The following PSMD2 variants were observed in gnomAD, a reference collection of about 807,000 sequenced individuals.
The protein encoded by PSMD2 is 26S proteasome non-ATPase regulatory subunit 2.
A neutral mutation model predicts 101.5 loss-of-function variants in PSMD2; 8 were observed. That is an observed-to-expected ratio of 0.08 (90% CI 0.05 to 0.14). PSMD2 has a LOEUF of 0.14. Ranked by LOEUF, PSMD2 falls within the 10% of genes least tolerant of loss-of-function variation. PSMD2 has a pLI of 1.00. For synonymous variants in PSMD2, 418 were observed against 433.8 expected, an observed-to-expected ratio of 0.96 and a Z score of 0.45; for missense variants, 784 against 1,147.4, an observed-to-expected ratio of 0.68 and a Z score of 4.58.
chr3:184,303,813 C>T, intron 10 of PSMD2, 64 bp downstream of exon 10: 1 of 1,600,622 alleles, frequency 6.2e-7, no homozygotes, highest in Non-Finnish European at 8.6e-7. Flanking sequence ...CCTAGCAGTG[C>T]CTCTCTTTCA....
At chr3:184,300,526 C>T (rs1170379181) in intron 3 of PSMD2, 82 bp downstream of exon 3, 2 of 1,530,846 alleles carry the variant, frequency 1.3e-6, no homozygotes, top group Admixed American at 4.2e-5. Flanking sequence ...TTGTGAGTCA[C>T]AGGAAGCCTG....
chr3:184,303,316 G>A lies in PSMD2; in HGVS notation c.1070-4G>A, dbSNP rs1223554126. The A allele has an allele frequency of 6.2e-7, 1 of 1,609,576 alleles. No individual in the cohort carries two copies. Among genetic ancestry groups the A allele is most frequent in the South Asian group, 1.1e-5 (1 of 90,424 alleles). On this transcript the variant is annotated splice_polypyrimidine_tract_variant and splice_region_variant and intron_variant, in intron 8 of 20. Transcript: ENST00000310118. ...CCTTACTTTTCCTCTCCCTCCTGTT[G>A]CAGGGTTTGGGGGCAGTGGCTCTCA...
rs1349292505 is a variant in PSMD2 at position 184,305,820 on chromosome 3, A to G, written c.1592A>G (p.Asn531Ser). ...ACGMIAVGSC[N>S]GDVTSTILQT... ...GGAATGATAGCAGTAGGGTCCTGCA[A>G]TGGAGATGTAACTTCCACTATCCTT... The change falls in exon 13 of 21, where the codon AAT becomes AGT. Residue 531 changes from asparagine to serine, a missense_variant. By Grantham distance (46) the Asn-to-Ser change is conservative. This residue lies in a region of PSMD2 where 282 missense variants were observed against 437.6 expected (regional missense o/e 0.64). Transcript: ENST00000310118. The G allele has an allele frequency of 4.3e-6, 7 of 1,614,102 alleles. No individual in the cohort carries two copies. Among genetic ancestry groups the G allele is most frequent in the East Asian group, 2.2e-5 (1 of 44,902 alleles).
At chr3:184,300,020 T>C (rs1015736486) in intron 2 of PSMD2, 113 bp downstream of exon 2, 82 of 1,045,440 alleles carry the variant, frequency 7.8e-5, no homozygotes, top group East Asian at 2.4e-5. Context: ...GTCAGTGTTA[T>C]GATGATGTTG....
chr3:184,308,798 C>G lies in PSMD2; in HGVS notation c.2635C>G (p.Arg879Gly). The change falls in exon 21 of 21, where the codon CGG becomes GGG. Residue 879 changes from arginine to glycine, a missense_variant. Coordinates refer to ENST00000310118, the MANE Select transcript of PSMD2 (RefSeq NM_002808.5). This position sits in a 1 kb window ranked among gnomAD's most constrained non-coding sequence, Gnocchi z 6.0. ...TTPVLLAHGE[R>G]AELATEEFLP... Reference sequence around the variant, plus strand: ...CCCAGTGTTGTTGGCCCACGGGGAACGGGCAGAATTGGCCACTGAGGAGTT... The same window carrying G: ...CCCAGTGTTGTTGGCCCACGGGGAAGGGGCAGAATTGGCCACTGAGGAGTT... 1 of 1,613,858 alleles carries G rather than the reference C, an allele frequency of 6.2e-7. No individual in the cohort carries two copies. Among genetic ancestry groups the G allele is most frequent in the Non-Finnish European group, 8.5e-7 (1 of 1,179,992 alleles).
In PSMD2 at chr3:184,299,289, A is replaced by G. The variant is rs1288082425; in HGVS notation, c.23A>G (p.Lys8Arg). MEEGGRDKAPVQPQQSPA... is the reference protein window; with the variant it reads MEEGGRDRAPVQPQQSPA... Reference sequence around the variant, plus strand: ...GAGATGGAGGAGGGAGGCCGGGACAAGGCGCCGGTGCAGCCCCAGCAGTCT... The same window carrying G: ...GAGATGGAGGAGGGAGGCCGGGACAGGGCGCCGGTGCAGCCCCAGCAGTCT... Residue 8 changes from lysine to arginine, a missense_variant, in exon 1 of 21, where the codon AAG (lysine) becomes AGG (arginine). By Grantham distance (26) the Lys-to-Arg change is conservative. This residue lies in a region of PSMD2 where 196 missense variants were observed against 182.4 expected (regional missense o/e 1.07). Coordinates refer to ENST00000310118, the MANE Select transcript of PSMD2 (RefSeq NM_002808.5). 4 of 1,365,938 alleles carry G rather than the reference A, an allele frequency of 2.9e-6. No individual in the cohort carries two copies. Among genetic ancestry groups the G allele is most frequent in the South Asian group, 1.6e-5 (1 of 61,520 alleles). 84.6% of individuals were successfully genotyped at this position (1,365,938 alleles called of 1,614,324 possible).
rs1721928999 is a variant in PSMD2 at position 184,308,678 on chromosome 3, A to G, written c.2545-30A>G. The G allele has an allele frequency of 8.1e-6, 13 of 1,599,978 alleles. No individual in the cohort carries two copies. The highest frequency in any genetic ancestry group is 1.1e-5 in the Non-Finnish European group (13 of 1,169,058). On this transcript the variant is annotated intron_variant, in intron 20 of 20. Transcript: ENST00000310118. This position sits in a 1 kb window ranked among gnomAD's most constrained non-coding sequence, Gnocchi z 6.0. ...GGCGGTGGCTTGTCGCTACTTTTCC[A>G]TCTCTCTTTTCAATTTTCTTACCCT... is the stretch of plus-strand genomic sequence containing the variant.
intron 3 of PSMD2, chr3:184,300,651 A>G (rs1264192992): frequency 7.4e-7 from 1 of 1,353,182 alleles, no homozygotes. Context: ...TGTGTATTGG[A>G]CTTTGGGGTT....
Position 184,307,450 on chromosome 3 carries a change from C to T in PSMD2, c.2128C>T (p.Leu710=), listed in dbSNP as rs538125981. Residue 710 remains leucine, a synonymous_variant, in exon 17 of 21, where the codon CTA becomes TTA. Transcript: ENST00000310118. The part of the protein sequence containing the change: ...SNPRLNILDT[L]SKFSHDADPE... The stretch of plus-strand genomic sequence containing the variant: ...TCCACGACTCAACATCCTGGATACC[C>T]TAAGCAAATTCTCTCATGATGCTGA... 5.0e-6 allele frequency: 8 copies of T among 1,614,210 alleles called. No homozygotes were observed. The highest frequency in any genetic ancestry group is 2.7e-5 in the African/African-American group (2 of 75,046).
intron 12 of PSMD2, among the ~76,000 whole-genome samples, chr3:184,305,070 TAC>T (rs929274019): frequency 1.3e-5 from 2 of 152,150 alleles, no homozygotes; most frequent in Non-Finnish European, 2.9e-5. Context: ...AATGGATAAA[TAC>T]AGCATGGTGG....
chr3:184,301,584 G>A lies in PSMD2; in HGVS notation c.405G>A (p.Gly135=). 1 of 1,614,094 alleles carries A rather than the reference G, an allele frequency of 6.2e-7. No individual in the cohort carries two copies. Among genetic ancestry groups the A allele is most frequent in the Non-Finnish European group, 8.5e-7 (1 of 1,179,990 alleles). ...CCGTTTTGGCCATGACCATGAGTGGGGAGCGTGAGTGCCTCAAGTATCGGC... is the reference window on the plus strand; with the variant it reads ...CCGTTTTGGCCATGACCATGAGTGGAGAGCGTGAGTGCCTCAAGTATCGGC... ...IISVLAMTMS[G]ERECLKYRLV... Residue 135 remains glycine, a synonymous_variant, in exon 4 of 21, where the codon GGG becomes GGA. Transcript: ENST00000310118.
chr3:184,299,923 A>C lies in PSMD2; in HGVS notation c.192+16A>C. On this transcript the variant is annotated intron_variant, in intron 2 of 20. Transcript: ENST00000310118. ...ACGACTAGGGGTGAGTCACGATGTT[A>C]ACATGATTCGGTGCATGTTTGGATC... 1 of 1,610,764 alleles carries C rather than the reference A, an allele frequency of 6.2e-7. No individual in the cohort carries two copies. The highest frequency in any genetic ancestry group is 1.1e-5 in the South Asian group (1 of 91,024).
In PSMD2 at chr3:184,300,330, G is replaced by T. The variant is rs778312103; in HGVS notation, c.243G>T (p.Gln81His). The change falls in exon 3 of 21, where the codon CAG becomes CAT. Residue 81 changes from glutamine (Q) to histidine (H), a missense_variant. By Grantham distance (24) the Gln-to-His change is conservative. Transcript: ENST00000310118. Reference sequence around the variant, plus strand: ...CAGCGCTGGAGGAATTGCGAAGGCAGATTCGTTCTTCTACAACTTCCATGA... The same window carrying T: ...CAGCGCTGGAGGAATTGCGAAGGCATATTCGTTCTTCTACAACTTCCATGA... ...YRPALEELRR[Q>H]IRSSTTSMTS... The T allele has an allele frequency of 6.2e-7, 1 of 1,613,940 alleles. No individual in the cohort carries two copies. The highest frequency in any genetic ancestry group is 1.7e-5 in the Admixed American group (1 of 60,020).
chr3:184,300,939 C>T (rs1218046739), intron 3 of PSMD2, among the ~76,000 whole-genome samples: 1 of 152,114 alleles, frequency 6.6e-6, no homozygotes, highest in South Asian at 2.1e-4. Context: ...TGCTTAAGAC[C>T]TTTTAATAGT....
rs1410672172 is a variant in PSMD2, at chr3:184,301,642, G to T, written c.463G>T (p.Gly155Cys). ...CTCCCAGGAGGAATTGGCATCATGG[G>T]GTCATGAGTATGTCAGGTAAGATCT... ...VGSQEELASWGHEYVRHLAGE... is the reference protein window; with the variant it reads ...VGSQEELASWCHEYVRHLAGE... The change falls in exon 4 of 21, where the codon GGT (glycine) becomes TGT (cysteine). Residue 155 changes from glycine (G) to cysteine (C), a missense_variant. Transcript: ENST00000310118. The T allele has an allele frequency of 6.2e-7, 1 of 1,614,178 alleles. No homozygotes were observed. Among genetic ancestry groups the T allele is most frequent in the Non-Finnish European group, 8.5e-7 (1 of 1,180,034 alleles).
In PSMD2 at chr3:184,308,818, G is replaced by C; in HGVS notation, c.2655G>C (p.Glu885Asp). The stretch of plus-strand genomic sequence containing the variant: ...GGGAACGGGCAGAATTGGCCACTGA[G>C]GAGTTTCTTCCTGTTACCCCCATTC... ...AHGERAELATEEFLPVTPILE... is the reference protein window; with the variant it reads ...AHGERAELATDEFLPVTPILE... The change falls in exon 21 of 21, where the codon GAG (glutamate) becomes GAC (aspartate). Residue 885 changes from glutamate to aspartate, a missense_variant. Physicochemically the swap from Glu to Asp is conservative, Grantham distance 45. Around this residue, in one of 6 missense-constraint regions of PSMD2, gnomAD observed 33 missense variants for 38.2 expected, o/e 0.86. Transcript: ENST00000310118. This position sits in a 1 kb window ranked among gnomAD's most constrained non-coding sequence, Gnocchi z 6.0. 1 of 1,613,492 alleles carries C rather than the reference G, an allele frequency of 6.2e-7. No individual in the cohort carries two copies. The highest frequency in any genetic ancestry group is 8.5e-7 in the Non-Finnish European group (1 of 1,180,030).
At chr3:184,306,955 T>C in intron 16 of PSMD2, 121 bp downstream of exon 16, 1 of 808,876 alleles carries the variant, frequency 1.2e-6, no homozygotes, top group Non-Finnish European at 1.9e-6. Context: ...GCCTTTTCTT[T>C]CTTTTTTCTT....
chr3:184,308,769 C>T lies in PSMD2; in HGVS notation c.2606C>T (p.Thr869Ile). ...ACTATCACAGGGTTCCAGACGCATA[C>T]AACCCCAGTGTTGTTGGCCCACGGG... ...PKTITGFQTH[T>I]TPVLLAHGER... Residue 869 changes from threonine (T) to isoleucine (I), a missense_variant, in exon 21 of 21, where the codon ACA (threonine) becomes ATA (isoleucine). Around this residue, in one of 6 missense-constraint regions of PSMD2, gnomAD observed 28 missense variants for 80.8 expected, o/e 0.35. Coordinates refer to ENST00000310118, the MANE Select transcript of PSMD2 (RefSeq NM_002808.5). This position sits in a 1 kb window ranked among gnomAD's most constrained non-coding sequence, Gnocchi z 6.0. 3 of 1,614,162 alleles carry T rather than the reference C, an allele frequency of 1.9e-6. No individual in the cohort carries two copies. The highest frequency in any genetic ancestry group is 2.5e-6 in the Non-Finnish European group (3 of 1,180,012).
chr3:184,307,243 T>A, intron 16 of PSMD2, 114 bp from the exon 17 acceptor site: 1 of 1,203,670 alleles, frequency 8.3e-7, no homozygotes, highest in Non-Finnish European at 1.2e-6. Flanking sequence ...ATGCCCAGCC[T>A]GCTGTGCCTT....
Sources: allele counts gnomAD v4.1 joint callset (sites outside exome capture counted in the v4.1 genomes callset), GRCh38; gene constraint gnomAD v4.1.1; regional missense constraint gnomAD v4.1.1; non-coding constraint Gnocchi (gnomAD v3.1); transcripts MANE v1.5; gene names NCBI Gene and HGNC (gene_info 2026-07-23, HGNC 2026-07-21).